Variants in BRF1 observed in about 807,000 individuals in gnomAD.
BRF1 encodes the protein transcription factor IIIB 90 kDa subunit.
In BRF1, 59 loss-of-function variants were observed where a neutral mutation model predicts 81.7. That is an observed-to-expected ratio of 0.72 (90% confidence interval 0.59 to 0.90). The LOEUF (loss-of-function observed/expected upper bound fraction) is 0.90. BRF1 is among the 40% of genes least tolerant of loss of function. The probability of loss-of-function intolerance (pLI) is 0.00; values close to 1 mark genes in which losing one functional copy is unlikely to be tolerated. For synonymous variants in BRF1, 491 were observed against 395.6 expected, an observed-to-expected ratio of 1.24 and a Z score of -2.86; for missense variants, 1,050 against 936.3, an observed-to-expected ratio of 1.12 and a Z score of -1.58.
chr14:105,211,164 C>T lies in BRF1; in HGVS notation c.1954G>A (p.Gly652Arg), dbSNP rs202049411. The T allele has an allele frequency of 1.3e-4, 205 of 1,612,522 alleles. No homozygotes were observed. The highest frequency in any genetic ancestry group is 1.6e-4 in the Non-Finnish European group (188 of 1,179,932). The change falls in exon 17 of 18, where the codon GGG (glycine) becomes AGG (arginine). Residue 652 changes from glycine (G) to arginine (R), a missense_variant. Around this residue, in one of 2 missense-constraint regions of BRF1, gnomAD observed 1,043 missense variants for 915.4 expected, o/e 1.14. Transcript: ENST00000547530. Reference sequence around the variant, plus strand: ...TGCAGGGCACTGACGCAGGGCTCCCCGTCCTCCTCGTCAGGCTCCTCCTCG... The same window carrying T: ...TGCAGGGCACTGACGCAGGGCTCCCTGTCCTCCTCGTCAGGCTCCTCCTCG... ...ADEEEPDEED[G>R]EPCVSALQMM...
At chr14:105,301,346 A>C (rs1181345333), upstream of BRF1, 1 of 147,506 alleles carries the variant, frequency 6.8e-6, no homozygotes, top group African/African-American at 2.5e-5. Flanking sequence ...CCGTGGAGAG[A>C]CGGCCTGCGA....
In BRF1 at chr14:105,221,690, C is replaced by A; in HGVS notation, c.1273G>T (p.Asp425Tyr). 6.2e-7 allele frequency: 1 copy of A among 1,611,746 alleles called. No individual in the cohort carries two copies. The highest frequency in any genetic ancestry group is 8.5e-7 in the Non-Finnish European group (1 of 1,179,924). Residue 425 changes from aspartate to tyrosine, a missense_variant, in exon 11 of 18, where the codon GAC becomes TAC. Around this residue, in one of 2 missense-constraint regions of BRF1, gnomAD observed 1,043 missense variants for 915.4 expected, o/e 1.14. Coordinates refer to ENST00000547530, the MANE Select transcript of BRF1 (RefSeq NM_001519.4). Reference protein sequence around the residue: ...LPTAASLGISDSIRECISSQS... With the variant: ...LPTAASLGISYSIRECISSQS... Reference sequence around the variant, plus strand: ...GAGGAGATGCATTCGCGGATGGAGTCTGAGATGCCCAGGCTGGCTGCAGTG... The same window carrying A: ...GAGGAGATGCATTCGCGGATGGAGTATGAGATGCCCAGGCTGGCTGCAGTG...
intron 1 of BRF1, among the ~76,000 whole-genome samples, chr14:105,311,868 C>G (rs920612228): frequency 1.3e-5 from 2 of 152,222 alleles, no homozygotes; most frequent in African/African-American, 4.8e-5. Flanking sequence ...GCCATGTGCT[C>G]CAACCATGGG....
chr14:105,247,891 T>A, intron 5 of BRF1: 1 of 985,536 alleles, frequency 1.0e-6, no homozygotes, highest in African/African-American at 1.7e-5. Context: ...GCCACGCACC[T>A]CCCAGGATTA....
intron 3 of BRF1, among the ~76,000 whole-genome samples, chr14:105,263,652 G>A (rs898222997): frequency 3.9e-5 from 6 of 152,062 alleles, no homozygotes; most frequent in East Asian, 1.9e-4. Context: ...CCGGCCGGGC[G>A]CGATGGCTCA....
chr14:105,286,158 C>G, intron 2 of BRF1, 138 bp downstream of exon 2: 2 of 989,998 alleles, frequency 2.0e-6, no homozygotes, highest in Admixed American at 4.2e-5. Flanking sequence ...TGGAAAGCAG[C>G]CTGGGCTGGG....
intron 1 of BRF1, among the ~76,000 whole-genome samples, chr14:105,289,960 A>G (rs2057456711): frequency 6.6e-6 from 1 of 152,164 alleles, no homozygotes; most frequent in South Asian, 2.1e-4. Context: ...GTTCGAATTA[A>G]GATCACCATT....
At chr14:105,298,889 G>A (rs1247886351) in intron 1 of BRF1, among the ~76,000 whole-genome samples, 1 of 147,522 alleles carries the variant, frequency 6.8e-6, no homozygotes, top group African/African-American at 2.5e-5. Flanking sequence ...TCTGCTTTGA[G>A]GCCGTGCGCA....
At position 105,210,317 on chromosome 14, in the gene BRF1, A is replaced by T. The variant is rs1289605724; in HGVS notation, c.*234T>A. The T allele has an allele frequency of 7.1e-6, 4 of 560,748 alleles. No homozygotes were observed. The highest frequency in any genetic ancestry group is 1.3e-5 in the Non-Finnish European group (4 of 312,426). 34.7% of individuals were successfully genotyped at this position (560,748 alleles called of 1,614,324 possible). ...GGCAGCGGGACCCAGCCCTGCACAC[A>T]CCCGGCCCACATCTGATCACACACA... On this transcript the variant is annotated 3_prime_UTR_variant, in exon 18 of 18. Coordinates refer to ENST00000547530, the MANE Select transcript of BRF1 (RefSeq NM_001519.4). This position sits in a 1 kb window ranked among gnomAD's most constrained non-coding sequence, Gnocchi z 4.7.
upstream of BRF1, among the ~76,000 whole-genome samples, chr14:105,301,965 C>T (rs1319509422): frequency 2.0e-5 from 3 of 152,072 alleles, no homozygotes; most frequent in South Asian, 2.1e-4. Context: ...GGCGAAACCC[C>T]GTCTCCACTA....
intron 6 of BRF1, among the ~76,000 whole-genome samples, chr14:105,229,255 T>C (rs587643229): frequency 3.3e-4 from 51 of 152,292 alleles, no homozygotes; most frequent in African/African-American, 1.2e-3. Context: ...ACTCTGAGGA[T>C]GCGGAGCCAG....
At chr14:105,217,522 G>C in intron 15 of BRF1, 22 bp downstream of exon 15, 1 of 1,601,826 alleles carries the variant, frequency 6.2e-7, no homozygotes, top group African/African-American at 1.3e-5. Flanking sequence ...CCCTAACCCA[G>C]CCACTCAGGA....
rs1235946042 is a variant in BRF1, at chr14:105,209,654, G to A, written c.*897C>T. On this transcript the variant is annotated 3_prime_UTR_variant, in exon 18 of 18. Transcript: ENST00000547530. ...CTCCGTCTGCCCTCCCTCCTCGATG[G>A]GGGGCCTGATCCAGCTCTGACAGGG... is the stretch of plus-strand genomic sequence containing the variant. 1 of 683,586 alleles carries A rather than the reference G, an allele frequency of 1.5e-6. No individual in the cohort carries two copies. Among genetic ancestry groups the A allele is most frequent in the Non-Finnish European group, 2.7e-6 (1 of 374,032 alleles). 42.3% of individuals were successfully genotyped at this position (683,586 alleles called of 1,614,324 possible).
In BRF1 at chr14:105,241,409, A is replaced by T; in HGVS notation, c.550T>A (p.Cys184Ser). Reference sequence around the variant, plus strand: ...TGCGCAAAGCGTGGAATATACAGGCACGGGTCTGCGGCAGACACAGCACCT... The same window carrying T: ...TGCGCAAAGCGTGGAATATACAGGCTCGGGTCTGCGGCAGACACAGCACCT... ...LCINAPAIDP[C>S]LYIPRFAHLL... The change falls in exon 6 of 18, where the codon TGC becomes AGC. Residue 184 changes from cysteine (C) to serine (S), a missense_variant. Physicochemically the swap from Cys to Ser is moderately radical, Grantham distance 112. Transcript: ENST00000547530. 1.2e-6 allele frequency: 2 copies of T among 1,611,812 alleles called. No homozygotes were observed. The highest frequency in any genetic ancestry group is 1.1e-5 in the South Asian group (1 of 91,092).
At chr14:105,285,121 C>T (rs777379165) in intron 2 of BRF1, among the ~76,000 whole-genome samples, 4 of 152,200 alleles carry the variant, frequency 2.6e-5, no homozygotes, top group South Asian at 2.1e-4. Context: ...ACGCAATCCC[C>T]GTCAAAATCC....
At chr14:105,301,750 G>A (rs900800169), upstream of BRF1, among the ~76,000 whole-genome samples, 9 of 152,366 alleles carry the variant, frequency 5.9e-5, no homozygotes, top group Non-Finnish European at 8.8e-5. Context: ...CCCCTGCCCA[G>A]AGCGGGAACC....
chr14:105,240,861 G>A (rs2054544509), intron 6 of BRF1, among the ~76,000 whole-genome samples: 1 of 137,812 alleles, frequency 7.3e-6, no homozygotes, highest in Non-Finnish European at 1.6e-5. Context: ...CCAGCTGGGG[G>A]CGGGGGACAG....
chr14:105,311,539 G>A (rs1443970739), intron 1 of BRF1, among the ~76,000 whole-genome samples: 1 of 152,202 alleles, frequency 6.6e-6, no homozygotes, highest in Non-Finnish European at 1.5e-5. Flanking sequence ...ACAGGTGTGA[G>A]CCCCTGCGAC....
At chr14:105,292,384 T>G (rs2057554600) in intron 1 of BRF1, among the ~76,000 whole-genome samples, 1 of 152,112 alleles carries the variant, frequency 6.6e-6, no homozygotes, top group Non-Finnish European at 1.5e-5. Context: ...TTGTTTTGTT[T>G]TTTTAGTTTT....
Sources: gnomAD v4.1 joint callset for allele counts (sites outside exome capture counted in the v4.1 genomes callset) on GRCh38, gnomAD v4.1.1 for gene constraint, gnomAD v4.1.1 regional missense constraint, Gnocchi (gnomAD v3.1) non-coding constraint, MANE v1.5 for transcripts, NCBI Gene and HGNC (gene_info 2026-07-23, HGNC 2026-07-21) for gene names.